Variants in RORA observed in about 807,000 individuals in gnomAD.
RORA encodes the protein nuclear receptor ROR-alpha.
In RORA, 7 loss-of-function variants were observed where a neutral mutation model predicts 69.5. The ratio of observed to expected loss-of-function variants is 0.10; its 90% CI spans 0.06 to 0.19. The LOEUF is 0.19. RORA is among the 10% of genes least tolerant of loss of function. The probability of loss-of-function intolerance (pLI) is 1.00; values close to 1 mark genes in which losing one functional copy is unlikely to be tolerated. For synonymous variants in RORA, 261 were observed against 240.8 expected (o/e 1.08, Z -0.78); for missense variants, 457 against 663.0 (o/e 0.69, Z 3.41).
intron 1 of RORA, among the ~76,000 whole-genome samples, chr15:60,815,451 T>G (rs2072796155): frequency 6.6e-6 from 1 of 152,132 alleles, no homozygotes; most frequent in South Asian, 2.1e-4. Context: ...GGGGACCTCT[T>G]TCAATCTCAA....
At position 60,502,288 on chromosome 15, in the gene RORA, T is replaced by C. The variant is rs1186302995; in HGVS notation, c.1183+472A>G. 3.9e-5 allele frequency among the ~76,000 whole-genome samples: 6 copies of C among 152,218 alleles called. No individual in the cohort carries two copies. The East Asian group carries it at 5.8e-4, about 15-fold the overall frequency. ...AGTCACCGCACCTGGCCCCAAATTATTTATTATAAATTATATATCATGGTT... is the reference window on the plus strand; with the variant it reads ...AGTCACCGCACCTGGCCCCAAATTACTTATTATAAATTATATATCATGGTT... On this transcript the variant is annotated intron_variant, in intron 8 of 10. Coordinates refer to ENST00000335670, the MANE Select transcript of RORA (RefSeq NM_134261.3).
intron 1 of RORA, among the ~76,000 whole-genome samples, chr15:60,966,803 A>G (rs1893565413): frequency 6.6e-6 from 1 of 152,272 alleles, no homozygotes; most frequent in Admixed American, 6.5e-5. Context: ...GTGATTGAAT[A>G]GAATTCTGAT....
At chr15:60,840,868 C>G (rs748590282) in intron 1 of RORA, among the ~76,000 whole-genome samples, 1 of 152,170 alleles carries the variant, frequency 6.6e-6, no homozygotes, top group Non-Finnish European at 1.5e-5. Flanking sequence ...GAAGCCTGAC[C>G]AGCTGGAGCC....
chr15:60,572,917 A>G (rs921916997), intron 2 of RORA, among the ~76,000 whole-genome samples: 2 of 152,186 alleles, frequency 1.3e-5, no homozygotes, highest in African/African-American at 4.8e-5. Flanking sequence ...TACCACAGCA[A>G]CTCTAATTCA....
chr15:60,623,251 G>A (rs967371447), intron 2 of RORA, among the ~76,000 whole-genome samples: 17 of 152,190 alleles, frequency 1.1e-4, no homozygotes, highest in Non-Finnish European at 1.5e-4. Flanking sequence ...TCTCTGCAGT[G>A]TAGGGACCCC....
chr15:60,769,013 C>A (rs1473785682), intron 1 of RORA, among the ~76,000 whole-genome samples: 1 of 152,134 alleles, frequency 6.6e-6, no homozygotes, highest in Non-Finnish European at 1.5e-5. Context: ...TGTGAAACTT[C>A]GGTCAACATC....
At chr15:60,744,692 C>G (rs1273830661) in intron 1 of RORA, among the ~76,000 whole-genome samples, 2 of 152,298 alleles carry the variant, frequency 1.3e-5, no homozygotes, top group Admixed American at 6.5e-5. Context: ...CAAATCATTA[C>G]TGAGGAAGGC....
At chr15:60,904,441 A>T (rs1251000814) in intron 1 of RORA, among the ~76,000 whole-genome samples, 1 of 152,214 alleles carries the variant, frequency 6.6e-6, no homozygotes, top group African/African-American at 2.4e-5. Flanking sequence ...GGCAGAAGTC[A>T]GGAGACAGGG....
At chr15:61,222,350 C>G (rs1349878599) in intron 1 of RORA, among the ~76,000 whole-genome samples, 2 of 152,114 alleles carry the variant, frequency 1.3e-5, no homozygotes, top group Admixed American at 1.3e-4. Context: ...TCAGTTAAGG[C>G]CATACAAATA....
chr15:61,212,952 T>A (rs549087717), intron 1 of RORA, among the ~76,000 whole-genome samples: 1 of 152,326 alleles, frequency 6.6e-6, no homozygotes, highest in African/African-American at 2.4e-5. Context: ...CTGGCCCTCC[T>A]AAGTGCCAGA....
chr15:60,728,822 T>G (rs1270428771), intron 1 of RORA, among the ~76,000 whole-genome samples: 1 of 152,198 alleles, frequency 6.6e-6, no homozygotes. Flanking sequence ...CACATTTACA[T>G]ATAATTCAAC....
intron 2 of RORA, among the ~76,000 whole-genome samples, chr15:60,584,252 A>G (rs2068268830): frequency 6.6e-6 from 1 of 151,824 alleles, no homozygotes. Flanking sequence ...CCTTCTTAAG[A>G]CTCTCTGGAG....
chr15:60,811,682 A>G (rs28607476), intron 1 of RORA, among the ~76,000 whole-genome samples: 1,888 of 152,318 alleles, frequency 0.012, 40 homozygotes, highest in African/African-American at 0.043. Context: ...GAAAACTGAC[A>G]GTTTCTTTAT....
At chr15:61,017,646 T>C (rs1003342756) in intron 1 of RORA, among the ~76,000 whole-genome samples, 17 of 152,122 alleles carry the variant, frequency 1.1e-4, no homozygotes, top group African/African-American at 4.1e-4. Context: ...GGGTGGGAAA[T>C]GAACAAGTTT....
intron 1 of RORA, among the ~76,000 whole-genome samples, chr15:61,206,828 G>A (rs1349773997): frequency 2.0e-5 from 3 of 152,142 alleles, no homozygotes; most frequent in Non-Finnish European, 4.4e-5. Flanking sequence ...CAATGGCCTG[G>A]CTTATCTTTC....
chr15:60,544,741 G>A (rs952480676), intron 2 of RORA: 1 of 151,972 alleles, frequency 6.6e-6, no homozygotes, highest in African/African-American at 2.4e-5. Flanking sequence ...ATCAATAGAG[G>A]CAAAGCCCAC....
At chr15:60,768,812 G>A (rs949276154) in intron 1 of RORA, among the ~76,000 whole-genome samples, 1 of 152,184 alleles carries the variant, frequency 6.6e-6, no homozygotes, top group Non-Finnish European at 1.5e-5. Context: ...AGGTGGGAGG[G>A]AGGAGCTGAC....
At chr15:61,187,696 A>G (rs575314704) in intron 1 of RORA, among the ~76,000 whole-genome samples, 11 of 152,310 alleles carry the variant, frequency 7.2e-5, no homozygotes, top group Admixed American at 1.3e-4. Context: ...ATCAAATCTC[A>G]TGCTTCAAAG....
chr15:61,053,374 TG>T (rs1456998347), intron 1 of RORA, among the ~76,000 whole-genome samples: 1 of 151,620 alleles, frequency 6.6e-6, no homozygotes, highest in Admixed American at 6.6e-5. Context: ...ACAAAGGCCC[TG>T]GGTTGTCTCT....
Sources: gnomAD v4.1 joint callset for allele counts (sites outside exome capture counted in the v4.1 genomes callset) on GRCh38, gnomAD v4.1.1 for gene constraint, MANE v1.5 for transcripts, NCBI Gene and HGNC (gene_info 2026-07-23, HGNC 2026-07-21) for gene names.